The following ATRNL1 variants were observed in gnomAD, a reference collection of about 807,000 sequenced individuals.
ATRNL1 encodes the protein attractin-like protein 1.
In ATRNL1, 95 loss-of-function variants were observed where a neutral mutation model predicts 182.7. The ratio of observed to expected loss-of-function variants is 0.52; its 90% CI spans 0.44 to 0.62. The LOEUF (loss-of-function observed/expected upper bound fraction) is 0.62, where lower values mean the gene tolerates loss of function less well. Ranked by LOEUF, ATRNL1 falls within the 20% of genes least tolerant of loss-of-function variation. The pLI is 0.00. For missense variants in ATRNL1, 1,471 were observed against 1,679.5 expected (o/e 0.88, Z 2.17); for synonymous variants, 576 against 568.3 (o/e 1.01, Z -0.19).
intron 27 of ATRNL1, among the ~76,000 whole-genome samples, chr10:115,730,253 CAAAAAAAAAAA>C (rs535690432): frequency 0.019 from 1,168 of 61,522 alleles, 32 homozygotes; most frequent in African/African-American, 0.065. Flanking sequence ...TAGGACTCCT[CAAAAAAAAAAA>C]AAAAAAAAAA....
chr10:115,375,001 A>T (rs1179470670), intron 19 of ATRNL1, among the ~76,000 whole-genome samples: 1 of 151,582 alleles, frequency 6.6e-6, no homozygotes, highest in Non-Finnish European at 1.5e-5. Context: ...TATAAAGTGT[A>T]GGTCAAATCC....
intron 19 of ATRNL1, among the ~76,000 whole-genome samples, chr10:115,388,075 A>G (rs1554953153): frequency 1.3e-5 from 2 of 152,170 alleles, no homozygotes; most frequent in Non-Finnish European, 2.9e-5. Flanking sequence ...TAGTGGGAAG[A>G]AGGCGTATTC....
At chr10:115,789,951 A>G (rs1213196766) in intron 27 of ATRNL1, among the ~76,000 whole-genome samples, 2 of 152,230 alleles carry the variant, frequency 1.3e-5, no homozygotes, top group Admixed American at 1.3e-4. Flanking sequence ...GATAGTGAAG[A>G]AGAAGATTAA....
At chr10:115,472,090 ATT>A (rs1270359758) in intron 24 of ATRNL1, among the ~76,000 whole-genome samples, 1 of 151,014 alleles carries the variant, frequency 6.6e-6, no homozygotes, top group Non-Finnish European at 1.5e-5. Context: ...TACCAATACC[ATT>A]TATTGAAGAG....
intron 10 of ATRNL1, among the ~76,000 whole-genome samples, chr10:115,250,683 T>C (rs960346195): frequency 1.2e-4 from 19 of 152,226 alleles, no homozygotes; most frequent in African/African-American, 4.3e-4. Context: ...GCATAATTGG[T>C]CTTTTAATTC....
chr10:115,221,223 C>T (rs1554897373), intron 9 of ATRNL1, among the ~76,000 whole-genome samples: 1 of 152,206 alleles, frequency 6.6e-6, no homozygotes, highest in African/African-American at 2.4e-5. Flanking sequence ...TTGCTACTCA[C>T]CTCCTGCTCT....
chr10:115,117,641 T>C (rs556199019), intron 1 of ATRNL1, among the ~76,000 whole-genome samples: 2 of 152,280 alleles, frequency 1.3e-5, no homozygotes, highest in African/African-American at 4.8e-5. Context: ...TCTTGGCTAT[T>C]GTGAACAGAG....
chr10:115,236,489 G>A (rs1311097884), intron 9 of ATRNL1, among the ~76,000 whole-genome samples: 1 of 152,138 alleles, frequency 6.6e-6, no homozygotes, highest in Non-Finnish European at 1.5e-5. Flanking sequence ...GAAGTATGAG[G>A]AACAAGATTT....
intron 26 of ATRNL1, among the ~76,000 whole-genome samples, chr10:115,699,890 C>T (rs138144573): frequency 1.3e-3 from 191 of 152,170 alleles, no homozygotes; most frequent in African/African-American, 4.3e-3. Context: ...ATCATTATGT[C>T]CATGAGTGCT....
chr10:115,837,801 A>C (rs1032998263), intron 27 of ATRNL1, among the ~76,000 whole-genome samples: 3 of 152,168 alleles, frequency 2.0e-5, no homozygotes, highest in Admixed American at 6.6e-5. Context: ...AAGATAAGAA[A>C]AGATCTTGAT....
At chr10:115,395,796 T>G (rs1844256432) in intron 20 of ATRNL1, among the ~76,000 whole-genome samples, 1 of 151,814 alleles carries the variant, frequency 6.6e-6, no homozygotes, top group Non-Finnish European at 1.5e-5. Context: ...GGCAGCATTT[T>G]AGGCTATTTA....
At chr10:115,750,570 T>G (rs990007703) in intron 27 of ATRNL1, among the ~76,000 whole-genome samples, 2 of 151,838 alleles carry the variant, frequency 1.3e-5, no homozygotes, top group African/African-American at 4.8e-5. Flanking sequence ...TCTTAACTGA[T>G]TCTAAATCCA....
At chr10:115,703,964 G>A (rs1946818862) in intron 26 of ATRNL1, among the ~76,000 whole-genome samples, 1 of 151,726 alleles carries the variant, frequency 6.6e-6, no homozygotes, top group South Asian at 2.1e-4. Flanking sequence ...AATTAATGAT[G>A]GTGGGACAAC....
intron 20 of ATRNL1, among the ~76,000 whole-genome samples, chr10:115,418,821 G>A (rs1426599973): frequency 6.6e-6 from 1 of 152,152 alleles, no homozygotes; most frequent in Non-Finnish European, 1.5e-5. Flanking sequence ...GAAACTACCT[G>A]CCAACCAAGA....
intron 19 of ATRNL1, among the ~76,000 whole-genome samples, chr10:115,344,402 T>A (rs1855886920): frequency 6.6e-6 from 1 of 152,166 alleles, no homozygotes; most frequent in African/African-American, 2.4e-5. Flanking sequence ...CCTCACCTCA[T>A]AGCCACTGCC....
chr10:115,747,542 T>C (rs1295491413), intron 27 of ATRNL1, among the ~76,000 whole-genome samples: 6 of 152,098 alleles, frequency 3.9e-5, no homozygotes, highest in Non-Finnish European at 7.4e-5. Context: ...CCAAATACAG[T>C]ATCATTCTTT....
chr10:115,726,095 T>C (rs1555059996), intron 26 of ATRNL1, among the ~76,000 whole-genome samples: 1 of 151,984 alleles, frequency 6.6e-6, no homozygotes, highest in South Asian at 2.1e-4. Context: ...TAATAAACTG[T>C]CATGGCAGTT....
At chr10:115,163,565 A>G (rs113349344) in intron 6 of ATRNL1, among the ~76,000 whole-genome samples, 26 of 151,840 alleles carry the variant, frequency 1.7e-4, no homozygotes, top group African/African-American at 5.6e-4. Context: ...GGGTCTCCCT[A>G]TATTGCCCTG....
intron 26 of ATRNL1, among the ~76,000 whole-genome samples, chr10:115,703,145 A>T (rs1301708167): frequency 1.3e-5 from 2 of 152,012 alleles, no homozygotes; most frequent in African/African-American, 4.8e-5. Context: ...AGTCAAAAAA[A>T]ATAAGCAATG....
Sources: allele counts gnomAD v4.1 joint callset (sites outside exome capture counted in the v4.1 genomes callset), GRCh38; gene constraint gnomAD v4.1.1; transcripts MANE v1.5; gene names NCBI Gene and HGNC (gene_info 2026-07-23, HGNC 2026-07-21).